The following CDC42BPB variants were observed in gnomAD, a reference collection of about 807,000 sequenced individuals.
CDC42BPB encodes the protein serine/threonine-protein kinase MRCK beta.
In CDC42BPB, 37 loss-of-function variants were observed where a neutral mutation model predicts 214.9. That is an observed-to-expected ratio of 0.17 (90% CI 0.13 to 0.23). The LOEUF (loss-of-function observed/expected upper bound fraction) is 0.23. CDC42BPB is among the 10% of genes least tolerant of loss of function. The pLI is 1.00. For missense variants in CDC42BPB, 1,694 were observed against 2,227.0 expected (o/e 0.76, Z 4.82); for synonymous variants, 931 against 884.0 (o/e 1.05, Z -0.94).
chr14:102,979,608 T>A (rs1256191187), intron 8 of CDC42BPB, among the ~76,000 whole-genome samples: 2 of 152,212 alleles, frequency 1.3e-5, no homozygotes, highest in African/African-American at 4.8e-5. Flanking sequence ...CCCAGGTTCA[T>A]GGTCATTCAT....
Position 103,008,547 on chromosome 14 carries a change from A to C in CDC42BPB, c.276T>G (p.Val92=). The change falls in exon 3 of 37, where the codon GTT becomes GTG. Residue 92 remains valine, a synonymous_variant. Transcript: ENST00000361246. The stretch of plus-strand genomic sequence containing the variant: ...TTCGTTCAGTATTCTTCATTTTGAC[A>C]ACAGCAACCTGCAGTGCAAATGTGA... ...IGRGAFGEVA[V]VKMKNTERIY... The C allele has an allele frequency of 6.2e-7, 1 of 1,609,592 alleles. No individual in the cohort carries two copies. Among genetic ancestry groups the C allele is most frequent in the Non-Finnish European group, 8.5e-7 (1 of 1,175,814 alleles).
At chr14:103,051,035 T>C (rs957123450) in intron 1 of CDC42BPB, among the ~76,000 whole-genome samples, 72 of 152,004 alleles carry the variant, frequency 4.7e-4, no homozygotes, top group African/African-American at 1.7e-3. Flanking sequence ...ACAATTTTGT[T>C]GCCACTGTTA....
At chr14:103,044,894 T>C (rs1888206171) in intron 1 of CDC42BPB, among the ~76,000 whole-genome samples, 1 of 151,550 alleles carries the variant, frequency 6.6e-6, no homozygotes, top group Non-Finnish European at 1.5e-5. Context: ...GTAGAAATGG[T>C]ATTTCAAATT....
At chr14:102,941,431 G>C (rs1015134390) in intron 30 of CDC42BPB, 1 of 985,344 alleles carries the variant, frequency 1.0e-6, no homozygotes, top group Non-Finnish European at 1.2e-6. Context: ...AACAGGGTTT[G>C]CAAGAAAGAC....
intron 1 of CDC42BPB, among the ~76,000 whole-genome samples, chr14:103,036,796 C>A (rs1258154792): frequency 2.0e-5 from 3 of 152,158 alleles, no homozygotes; most frequent in African/African-American, 7.2e-5. Flanking sequence ...ACATTAATTT[C>A]TCATTAAAAG....
chr14:102,967,384 C>A, intron 16 of CDC42BPB: 1 of 984,976 alleles, frequency 1.0e-6, no homozygotes, highest in Non-Finnish European at 1.2e-6. Flanking sequence ...GGAGCTGGAG[C>A]TAGTGACTTC....
intron 1 of CDC42BPB, among the ~76,000 whole-genome samples, chr14:103,021,983 T>A (rs1050573096): frequency 1.3e-5 from 2 of 152,010 alleles, no homozygotes; most frequent in East Asian, 1.9e-4. Flanking sequence ...CAGAGGCTGG[T>A]GGGCTGAGTG....
chr14:102,934,487 CTG>C, intron 36 of CDC42BPB, among the ~76,000 whole-genome samples: 1 of 150,412 alleles, frequency 6.6e-6, no homozygotes, highest in South Asian at 2.1e-4. Flanking sequence ...TGAGCCGAGA[CTG>C]CACCACTGCA....
rs900412189 is a variant in CDC42BPB, at chr14:103,056,871, G to A, written c.175+128C>T. On this transcript the variant is annotated intron_variant, in intron 1 of 36. Coordinates refer to ENST00000361246, the MANE Select transcript of CDC42BPB (RefSeq NM_006035.4). Reference sequence around the variant, plus strand: ...CGCTGCCAGAGCGAGAGGAGGCGAAGCCCACGAGCTGGGTGGGCAGGAGGG... The same window carrying A: ...CGCTGCCAGAGCGAGAGGAGGCGAAACCCACGAGCTGGGTGGGCAGGAGGG... 1.4e-5 allele frequency: 8 copies of A among 584,826 alleles called. No individual in the cohort carries two copies. In the Admixed American group the frequency reaches 3.8e-4, roughly 27 times the overall value. 36.2% of individuals were successfully genotyped at this position (584,826 alleles called of 1,614,324 possible).
At chr14:102,960,382 C>T (rs1328365778) in intron 20 of CDC42BPB, among the ~76,000 whole-genome samples, 1 of 152,020 alleles carries the variant, frequency 6.6e-6, no homozygotes, top group African/African-American at 2.4e-5. Flanking sequence ...TTTGGGAGGC[C>T]AAGGTCGGAG....
chr14:102,994,979 TTTTC>T (rs1292466409), intron 5 of CDC42BPB, among the ~76,000 whole-genome samples: 2 of 152,236 alleles, frequency 1.3e-5, no homozygotes, highest in Admixed American at 1.3e-4. Flanking sequence ...CGAGGTTTTC[TTTTC>T]TTTTTTTCCT....
intron 3 of CDC42BPB, among the ~76,000 whole-genome samples, chr14:103,006,789 G>A (rs1885852067): frequency 6.6e-6 from 1 of 152,074 alleles, no homozygotes; most frequent in Non-Finnish European, 1.5e-5. Context: ...ACATTCTTGA[G>A]CTTTTCTGAG....
intron 24 of CDC42BPB, 62 bp from the exon 25 acceptor site, chr14:102,950,664 C>A: frequency 6.9e-7 from 1 of 1,446,274 alleles, no homozygotes; most frequent in Admixed American, 2.9e-5. Context: ...CACTGCAGAA[C>A]CTATGCCCTG....
intron 11 of CDC42BPB, among the ~76,000 whole-genome samples, chr14:102,974,679 C>G (rs936145229): frequency 6.6e-6 from 1 of 152,228 alleles, no homozygotes; most frequent in Non-Finnish European, 1.5e-5. Flanking sequence ...GGAGCCAGGC[C>G]AGGCGCAGCG....
chr14:103,038,334 T>C (rs1255686845), intron 1 of CDC42BPB, among the ~76,000 whole-genome samples: 3 of 148,070 alleles, frequency 2.0e-5, no homozygotes, highest in Non-Finnish European at 3.0e-5. Context: ...CGAGCGAGAC[T>C]CTGTCTCAAA....
chr14:102,959,774 A>C (rs1892872864), intron 20 of CDC42BPB, 64 bp from the exon 21 acceptor site: 1 of 1,529,436 alleles, frequency 6.5e-7, no homozygotes, highest in Non-Finnish European at 8.8e-7. Flanking sequence ...ATTTTCAGAC[A>C]GACTCAGTGT....
Position 102,974,078 on chromosome 14 carries a change from G to A in CDC42BPB, c.1579C>T (p.Arg527Trp), listed in dbSNP as rs1448994494. The change falls in exon 12 of 37, where the codon CGG (arginine) becomes TGG (tryptophan). Residue 527 changes from arginine (R) to tryptophan (W), a missense_variant. Arg to Trp is a moderately radical substitution (Grantham distance 101). Transcript: ENST00000361246. Reference sequence around the variant, plus strand: ...TGCTGCTTCTCCAGCCCCCGCAGCCGCTGCGTGGAGTCCTCACGCTCTTGG... The same window carrying A: ...TGCTGCTTCTCCAGCCCCCGCAGCCACTGCGTGGAGTCCTCACGCTCTTGG... ...LRQEREDSTQ[R>W]LRGLEKQHRV... The A allele has an allele frequency of 1.6e-5, 26 of 1,613,736 alleles. No individual in the cohort carries two copies. Among genetic ancestry groups the A allele is most frequent in the Middle Eastern group, 1.6e-4 (1 of 6,084 alleles).
At chr14:102,977,599 C>T (rs1329791117) in intron 9 of CDC42BPB, among the ~76,000 whole-genome samples, 1 of 152,214 alleles carries the variant, frequency 6.6e-6, no homozygotes, top group African/African-American at 2.4e-5. Flanking sequence ...ACACACAATC[C>T]TTACAAAAGC....
chr14:102,944,433 C>T lies in CDC42BPB; in HGVS notation c.3866G>A (p.Arg1289Lys), dbSNP rs752062947. The T allele has an allele frequency of 2.5e-6, 4 of 1,612,998 alleles. No individual in the cohort carries two copies. The South Asian group carries it at 4.4e-5, about 18-fold the overall frequency. Reference sequence around the variant, plus strand: ...ACAGAGGAGGATTACGATCTTCTCCCTGGGAGCAAGCTCGATCTGGTGTAC... The same window carrying T: ...ACAGAGGAGGATTACGATCTTCTCCTTGGGAGCAAGCTCGATCTGGTGTAC... ...KKVHQIELAP[R>K]EKIVILLCGR... Residue 1289 changes from arginine to lysine, a missense_variant, in exon 30 of 37, where the codon AGG becomes AAG. Physicochemically the swap from Arg to Lys is conservative, Grantham distance 26. Transcript: ENST00000361246. The surrounding 1 kb of genome is among the most constrained non-coding windows in gnomAD (Gnocchi z 6.6).
Sources: gnomAD v4.1 joint callset for allele counts (sites outside exome capture counted in the v4.1 genomes callset) on GRCh38, gnomAD v4.1.1 for gene constraint, Gnocchi (gnomAD v3.1) non-coding constraint, MANE v1.5 for transcripts, NCBI Gene and HGNC (gene_info 2026-07-23, HGNC 2026-07-21) for gene names.